Variants in ALK observed in about 807,000 individuals in gnomAD.
ALK encodes the protein ALK tyrosine kinase receptor.
A neutral mutation model predicts 163.1 loss-of-function variants in ALK; 74 were observed. The observed-to-expected ratio is 0.45, with a 90% confidence interval of 0.38 to 0.55. The LOEUF is 0.55. Ranked by LOEUF, ALK falls within the 20% of genes least tolerant of loss-of-function variation. The probability of loss-of-function intolerance (pLI) is 0.00; values close to 1 mark genes in which losing one functional copy is unlikely to be tolerated. For missense variants in ALK, 2,063 were observed against 2,105.3 expected (o/e 0.98, Z 0.39); for synonymous variants, 960 against 843.2 (o/e 1.14, Z -2.40).
rs1202967637 is a variant in ALK, at chr2:29,488,296, ACTT to A, written c.1154+43616_1154+43618del. ...TGTCACCATGTTCCACCAGGTGCTT[ACTT>A]CTTATTACATAAGCAGTGTTTCATC... On this transcript the variant is annotated intron_variant, in intron 4 of 28. Coordinates refer to ENST00000389048, the MANE Select transcript of ALK (RefSeq NM_004304.5). Among the ~76,000 whole-genome samples, 4 of 152,304 alleles carry A rather than the reference ACTT, an allele frequency of 2.6e-5. No homozygotes were observed. The Middle Eastern group carries it at 0.014, about 518-fold the overall frequency.
chr2:29,912,682 C>CAT (rs907164446), intron 1 of ALK, among the ~76,000 whole-genome samples: 89 of 151,470 alleles, frequency 5.9e-4, no homozygotes, highest in African/African-American at 1.6e-3. Context: ...GCATGACTGG[C>CAT]ATATATATAT....
chr2:29,581,266 T>C (rs1186344744), intron 3 of ALK, among the ~76,000 whole-genome samples: 2 of 152,172 alleles, frequency 1.3e-5, no homozygotes, highest in African/African-American at 4.8e-5. Context: ...CACGCGCCTA[T>C]AGTCCCAGCT....
At chr2:29,427,160 G>C (rs963934512) in intron 4 of ALK, among the ~76,000 whole-genome samples, 3 of 151,764 alleles carry the variant, frequency 2.0e-5, no homozygotes, top group Admixed American at 1.3e-4. Flanking sequence ...AAAGGATTGG[G>C]GGGGGCAGAA....
intron 4 of ALK, among the ~76,000 whole-genome samples, chr2:29,389,322 G>C (rs1669107171): frequency 6.6e-6 from 1 of 152,228 alleles, no homozygotes; most frequent in Non-Finnish European, 1.5e-5. Context: ...GGATGGTCAG[G>C]ATAGGAGTAT....
At chr2:29,829,341 T>C (rs1665298913) in intron 1 of ALK, among the ~76,000 whole-genome samples, 1 of 150,452 alleles carries the variant, frequency 6.6e-6, no homozygotes, top group South Asian at 2.1e-4. Context: ...AAGATGAAGA[T>C]GGTTAAACTG....
intron 4 of ALK, among the ~76,000 whole-genome samples, chr2:29,513,573 C>A (rs961216135): frequency 1.3e-5 from 2 of 151,922 alleles, no homozygotes; most frequent in African/African-American, 4.8e-5. Context: ...CATTACCATT[C>A]AGGACTTAGG....
At chr2:29,537,240 T>C (rs1673283016) in intron 3 of ALK, among the ~76,000 whole-genome samples, 1 of 152,202 alleles carries the variant, frequency 6.6e-6, no homozygotes, top group African/African-American at 2.4e-5. Flanking sequence ...ATTTCAAAAC[T>C]ATTTGGGACA....
Position 29,572,263 on chromosome 2 carries a change from G to A in ALK, c.953-40147C>T, listed in dbSNP as rs183389384. ...CTTTTCTTGGAAATTGCCAGGTGAGGCATATTTGTGGAGAGGTCTTGAGCC... is the reference window on the plus strand; with the variant it reads ...CTTTTCTTGGAAATTGCCAGGTGAGACATATTTGTGGAGAGGTCTTGAGCC... On this transcript the variant is annotated intron_variant, in intron 3 of 28. Coordinates refer to ENST00000389048, the MANE Select transcript of ALK (RefSeq NM_004304.5). 2.0e-3 allele frequency among the ~76,000 whole-genome samples: 310 copies of A among 152,320 alleles called. 1 individual carries two copies. The highest frequency in any genetic ancestry group is 4.0e-3 in the Admixed American group (61 of 15,300).
At chr2:29,197,480 G>A (rs2148142994) in intron 27 of ALK, 62 bp downstream of exon 27, 1 of 1,606,542 alleles carries the variant, frequency 6.2e-7, no homozygotes, top group Non-Finnish European at 8.5e-7. Flanking sequence ...TGTGGCTCTG[G>A]ATATTTTTTG....
intron 2 of ALK, among the ~76,000 whole-genome samples, chr2:29,696,222 A>G (rs367672022): frequency 4.9e-4 from 74 of 152,306 alleles, no homozygotes; most frequent in African/African-American, 1.7e-3. Context: ...GGATGAGTTC[A>G]TGTCTTTTGC....
At chr2:29,447,257 A>G (rs755634801) in intron 4 of ALK, among the ~76,000 whole-genome samples, 13 of 152,168 alleles carry the variant, frequency 8.5e-5, no homozygotes, top group Non-Finnish European at 1.3e-4. Flanking sequence ...TCCATTATTC[A>G]TTAGCACTGC....
intron 4 of ALK, among the ~76,000 whole-genome samples, chr2:29,521,173 G>A (rs1332308531): frequency 6.6e-6 from 1 of 152,186 alleles, no homozygotes; most frequent in Non-Finnish European, 1.5e-5. Context: ...CATCATTTGA[G>A]CTAAGTTGCC....
At position 29,625,636 on chromosome 2, in the gene ALK, T is replaced by C. The variant is rs79904371; in HGVS notation, c.952+69214A>G. Among the ~76,000 whole-genome samples, 792 of 152,346 alleles carry C rather than the reference T, an allele frequency of 5.2e-3. 9 individuals are homozygous for C. Among genetic ancestry groups the C allele is most frequent in the African/African-American group, 0.017 (696 of 41,602 alleles). On this transcript the variant is annotated intron_variant, in intron 3 of 28. Transcript: ENST00000389048. ...CATTTTCATCACTGTGTCAGCATCA[T>C]ACAATGTTCTTATACAAGCCTAGGC...
chr2:29,774,642 CTTT>C (rs1271082129), intron 1 of ALK, among the ~76,000 whole-genome samples: 1 of 152,198 alleles, frequency 6.6e-6, no homozygotes, highest in African/African-American at 2.4e-5. Context: ...GCCCAGTTCT[CTTT>C]CCATAAAGTG....
At chr2:29,544,775 C>T (rs4549036) in intron 3 of ALK, among the ~76,000 whole-genome samples, 4,217 of 152,084 alleles carry the variant, frequency 0.028, 90 homozygotes, top group South Asian at 0.078. Context: ...GCACTGGTCT[C>T]GCTACCTGAG....
intron 3 of ALK, among the ~76,000 whole-genome samples, chr2:29,680,456 G>A (rs1241862198): frequency 6.6e-6 from 1 of 151,946 alleles, no homozygotes; most frequent in African/African-American, 2.4e-5. Context: ...TCTTAAATCT[G>A]CTGTTGAGCT....
chr2:29,371,714 T>C (rs1023868655), intron 5 of ALK, among the ~76,000 whole-genome samples: 4 of 152,188 alleles, frequency 2.6e-5, no homozygotes, highest in Non-Finnish European at 5.9e-5. Flanking sequence ...ATTTGGGAGA[T>C]TGGACCCCCT....
intron 3 of ALK, among the ~76,000 whole-genome samples, chr2:29,637,275 G>C (rs572705498): frequency 1.3e-5 from 2 of 152,128 alleles, no homozygotes; most frequent in Admixed American, 6.5e-5. Flanking sequence ...TTATTCATAC[G>C]TGTGAAAACT....
intron 3 of ALK, among the ~76,000 whole-genome samples, chr2:29,616,619 A>C (rs538323455): frequency 3.3e-5 from 5 of 152,338 alleles, no homozygotes; most frequent in African/African-American, 1.2e-4. Flanking sequence ...AAATTCTTAC[A>C]GTTAAGAGAA....
Sources: allele counts gnomAD v4.1 joint callset (sites outside exome capture counted in the v4.1 genomes callset), GRCh38; gene constraint gnomAD v4.1.1; transcripts MANE v1.5; gene names NCBI Gene and HGNC (gene_info 2026-07-23, HGNC 2026-07-21).